The following MAP2K1 variants were observed in gnomAD, a reference collection of about 807,000 sequenced individuals.
MAP2K1 encodes mitogen-activated protein kinase kinase 1.
A neutral mutation model predicts 46.3 loss-of-function variants in MAP2K1; 16 were observed. The ratio of observed to expected loss-of-function variants is 0.35; its 90% confidence interval spans 0.23 to 0.52. MAP2K1 has a LOEUF of 0.52. Among genes scored for constraint, MAP2K1 ranks in the 20% least tolerant of loss-of-function variants. The pLI is 0.94. For missense variants in MAP2K1, 263 were observed against 497.1 expected (o/e 0.53, Z 4.48); for synonymous variants, 183 against 185.6 (o/e 0.99, Z 0.11).
In MAP2K1 at chr15:66,387,045, A is replaced by G; in HGVS notation, c.-303A>G. The G allele has an allele frequency of 5.7e-6, 2 of 352,608 alleles. No homozygotes were observed. The highest frequency in any genetic ancestry group is 5.1e-6 in the Non-Finnish European group (1 of 197,286). 21.8% of individuals were successfully genotyped at this position (352,608 alleles called of 1,614,324 possible). ...GAGCCGGAGGGACTGGTTGGTTGAG[A>G]GAGAGAGAGGAAGGGAATCCCGGGC... is the stretch of plus-strand genomic sequence containing the variant. On this transcript the variant is annotated 5_prime_UTR_variant, in exon 1 of 11. Transcript: ENST00000307102.
intron 5 of MAP2K1, among the ~76,000 whole-genome samples, chr15:66,449,646 C>G (rs547376494): frequency 2.6e-5 from 4 of 152,178 alleles, no homozygotes; most frequent in East Asian, 3.9e-4. Flanking sequence ...TTCAGGAGGC[C>G]GAGGTGGGTG....
chr15:66,394,666 G>T (rs553175025), intron 1 of MAP2K1, among the ~76,000 whole-genome samples: 1 of 152,100 alleles, frequency 6.6e-6, no homozygotes, highest in African/African-American at 2.4e-5. Context: ...GCCCAGGCTG[G>T]GCTCAAACTC....
chr15:66,414,386 A>G (rs553036567), intron 1 of MAP2K1, among the ~76,000 whole-genome samples: 2 of 152,308 alleles, frequency 1.3e-5, no homozygotes, highest in African/African-American at 4.8e-5. Flanking sequence ...AATGCACTGT[A>G]CTTCTGATTA....
chr15:66,404,096 A>T (rs1363586354), intron 1 of MAP2K1, among the ~76,000 whole-genome samples: 1 of 152,220 alleles, frequency 6.6e-6, no homozygotes, highest in African/African-American at 2.4e-5. Context: ...AATAATTATT[A>T]ATAATAGAAA....
intron 1 of MAP2K1, among the ~76,000 whole-genome samples, chr15:66,416,357 C>T (rs1006173509): frequency 2.3e-4 from 35 of 151,866 alleles, no homozygotes; most frequent in Middle Eastern, 3.4e-3. Context: ...CAATCCCCCC[C>T]AAACACACAC....
At chr15:66,488,976 A>T (rs1173979451) in intron 8 of MAP2K1, 5 of 595,558 alleles carry the variant, frequency 8.4e-6, no homozygotes, top group Non-Finnish European at 1.5e-5. Flanking sequence ...AGTGGACTTG[A>T]CTTGGTCCCA....
intron 1 of MAP2K1, among the ~76,000 whole-genome samples, chr15:66,421,111 CACACACACACACACAT>C (rs1322551778): frequency 1.2e-4 from 10 of 82,144 alleles, no homozygotes; most frequent in Admixed American, 3.0e-4. Flanking sequence ...CACACACACA[CACACACACACACACAT>C]ATATATATAT....
At chr15:66,433,356 C>T (rs949786885) in intron 1 of MAP2K1, among the ~76,000 whole-genome samples, 1 of 152,184 alleles carries the variant, frequency 6.6e-6, no homozygotes, top group Non-Finnish European at 1.5e-5. Flanking sequence ...TCCCACTGTT[C>T]TGGAGGCTGA....
chr15:66,425,051 C>A (rs2093454223), intron 1 of MAP2K1, among the ~76,000 whole-genome samples: 1 of 152,066 alleles, frequency 6.6e-6, no homozygotes, highest in Admixed American at 6.5e-5. Flanking sequence ...CCGCCTCGGC[C>A]TCCTAAAGTG....
rs779039871 is a variant in MAP2K1, at chr15:66,445,005, G to A, written c.568+298G>A. On this transcript the variant is annotated intron_variant, in intron 5 of 10. Coordinates refer to ENST00000307102, the MANE Select transcript of MAP2K1 (RefSeq NM_002755.4). ...CAGTCTCCGGTGTCACTATTCACTGGAACAGTGAACAGTGCATGTGCATAT... is the reference window on the plus strand; with the variant it reads ...CAGTCTCCGGTGTCACTATTCACTGAAACAGTGAACAGTGCATGTGCATAT... The A allele has an allele frequency of 1.1e-4, 48 of 429,140 alleles. No individual in the cohort carries two copies. In the Middle Eastern group the frequency reaches 2.8e-3, roughly 25 times the overall value. 26.6% of individuals were successfully genotyped at this position (429,140 alleles called of 1,614,324 possible). A position where few individuals can be genotyped will look rare whatever the true frequency, so the allele number is the denominator to read the frequency against.
chr15:66,395,908 T>G (rs2093366469), intron 1 of MAP2K1, among the ~76,000 whole-genome samples: 2 of 152,036 alleles, frequency 1.3e-5, no homozygotes, highest in Admixed American at 6.5e-5. Flanking sequence ...CCACTACACT[T>G]TAACTTCTGT....
At chr15:66,395,147 A>T (rs1827688845) in intron 1 of MAP2K1, among the ~76,000 whole-genome samples, 1 of 152,254 alleles carries the variant, frequency 6.6e-6, no homozygotes, top group Non-Finnish European at 1.5e-5. Flanking sequence ...CTGAAACCAC[A>T]GATATCAATA....
At chr15:66,447,669 C>T (rs889196608) in intron 5 of MAP2K1, among the ~76,000 whole-genome samples, 32 of 133,484 alleles carry the variant, frequency 2.4e-4, no homozygotes, top group African/African-American at 7.1e-4. Flanking sequence ...CTAGCCTGGG[C>T]GACAGAGACT....
chr15:66,460,054 T>G (rs557829291), intron 5 of MAP2K1, among the ~76,000 whole-genome samples: 33 of 152,304 alleles, frequency 2.2e-4, no homozygotes, highest in African/African-American at 7.7e-4. Flanking sequence ...TTGCCCATGG[T>G]ATATACACAA....
rs756301809 is a variant in MAP2K1, at chr15:66,428,635, A to G, written c.81-6392A>G. The stretch of plus-strand genomic sequence containing the variant: ...ACAAAAACCAAAAACATTTTCACAG[A>G]AACACCATGGCCCAGCCAAGTTGAC... On this transcript the variant is annotated intron_variant, in intron 1 of 10. Transcript: ENST00000307102. Among the ~76,000 whole-genome samples the G allele has an allele frequency of 1.2e-3, 181 of 152,244 alleles. 1 individual carries two copies. Among genetic ancestry groups the G allele is most frequent in the Admixed American group, 1.7e-3 (26 of 15,286 alleles).
intron 1 of MAP2K1, chr15:66,414,783 T>C (rs1184194983): frequency 2.3e-5 from 4 of 173,354 alleles, no homozygotes; most frequent in Non-Finnish European, 4.7e-5. Flanking sequence ...TCCTGTGTCT[T>C]TTTTTTTTTT....
At chr15:66,465,380 G>C (rs1401093211) in intron 5 of MAP2K1, among the ~76,000 whole-genome samples, 1 of 152,100 alleles carries the variant, frequency 6.6e-6, no homozygotes, top group Non-Finnish European at 1.5e-5. Flanking sequence ...TGAGCAAGTG[G>C]GGTACACGAC....
At chr15:66,490,341 G>C in intron 10 of MAP2K1, 161 bp from the exon 11 acceptor site, 1 of 722,694 alleles carries the variant, frequency 1.4e-6, no homozygotes, top group Non-Finnish European at 2.5e-6. Context: ...GCAGGTCTTT[G>C]GGCCTGCAGC....
chr15:66,443,080 G>GTTTT (rs1201534749), intron 3 of MAP2K1, among the ~76,000 whole-genome samples, 200 bp from the exon 4 acceptor site: 3 of 72,900 alleles, frequency 4.1e-5, no homozygotes, highest in Admixed American at 2.1e-4. Context: ...TTTTGTGTGT[G>GTTTT]TATTTTTTTT....
Sources: gnomAD v4.1 joint callset for allele counts (sites outside exome capture counted in the v4.1 genomes callset) on GRCh38, gnomAD v4.1.1 for gene constraint, MANE v1.5 for transcripts, NCBI Gene and HGNC (gene_info 2026-07-23, HGNC 2026-07-21) for gene names.